Variants in NREP observed in about 807,000 individuals in gnomAD.
The protein encoded by NREP is neuronal regeneration-related protein.
NREP carries 5 observed loss-of-function variants against 8.6 expected under a neutral mutation model. The ratio of observed to expected loss-of-function variants is 0.58; its 90% CI spans 0.30 to 1.22. The LOEUF (loss-of-function observed/expected upper bound fraction) is 1.22. Ranked by LOEUF, NREP falls within the 50% of genes most tolerant of loss-of-function variation. The pLI is 0.07. For missense variants in NREP, 86 were observed against 82.5 expected (o/e 1.04, Z -0.17); for synonymous variants, 27 against 28.0 (o/e 0.96, Z 0.11).
chr5:111,777,026 AGGAAGGAGGT>A lies in NREP; in HGVS notation c.136-41529_136-41520del. ...AGGAGGAAGGAGGTGGAGGAGGAGG[AGGAAGGAGGT>A]GGAGGAGGAGGAGGAGGAAGAAGAG... On this transcript the variant is annotated intron_variant, in intron 2 of 3. Coordinates refer to the NREP transcript ENST00000395634. Among the ~76,000 whole-genome samples, 2 of 150,524 alleles carry A rather than the reference AGGAAGGAGGT, an allele frequency of 1.3e-5. 1 individual carries two copies. Among genetic ancestry groups the A allele is most frequent in the South Asian group, 4.2e-4 (2 of 4,754 alleles).
intron 2 of NREP, among the ~76,000 whole-genome samples, chr5:111,943,370 C>G (rs1451502265): frequency 2.0e-5 from 3 of 151,984 alleles, no homozygotes; most frequent in African/African-American, 7.2e-5. Flanking sequence ...GCTGGGCTTC[C>G]TTGGCATTCC....
intron 2 of NREP, among the ~76,000 whole-genome samples, chr5:111,746,205 T>C (rs1749991630): frequency 6.6e-6 from 1 of 152,048 alleles, no homozygotes; most frequent in Non-Finnish European, 1.5e-5. Flanking sequence ...TCAAGCCTCA[T>C]ATAGTAAAAT....
chr5:111,882,464 C>T (rs1180427767), intron 2 of NREP, among the ~76,000 whole-genome samples: 2 of 152,108 alleles, frequency 1.3e-5, no homozygotes, highest in Non-Finnish European at 2.9e-5. Flanking sequence ...CATTTGGATG[C>T]AGGAAATACA....
chr5:111,959,554 T>C (rs983960825), intron 2 of NREP, among the ~76,000 whole-genome samples: 1 of 151,190 alleles, frequency 6.6e-6, no homozygotes, highest in Non-Finnish European at 1.5e-5. Flanking sequence ...GAAAACTTAG[T>C]ATCCAGAATA....
At chr5:111,902,381 C>G (rs1410922170) in intron 2 of NREP, among the ~76,000 whole-genome samples, 1 of 152,088 alleles carries the variant, frequency 6.6e-6, no homozygotes, top group Admixed American at 6.6e-5. Context: ...GAGCCCAGAT[C>G]AGCTGCAAAC....
At chr5:111,895,742 A>G (rs1754495021) in intron 2 of NREP, among the ~76,000 whole-genome samples, 1 of 152,132 alleles carries the variant, frequency 6.6e-6, no homozygotes, top group Non-Finnish European at 1.5e-5. Context: ...CCTCTACCCA[A>G]TGAATGCCAG....
At chr5:111,907,808 T>G (rs937331069) in intron 2 of NREP, among the ~76,000 whole-genome samples, 1 of 152,046 alleles carries the variant, frequency 6.6e-6, no homozygotes, top group African/African-American at 2.4e-5. Context: ...CTTTTAAGTC[T>G]GTCCCATGGT....
At chr5:111,927,458 T>C (rs1056516034) in intron 2 of NREP, among the ~76,000 whole-genome samples, 8 of 151,996 alleles carry the variant, frequency 5.3e-5, no homozygotes, top group Non-Finnish European at 7.4e-5. Flanking sequence ...TCTGTGGAAA[T>C]GGGACATGGT....
chr5:111,898,871 T>C (rs1382505738), intron 2 of NREP, among the ~76,000 whole-genome samples: 1 of 152,002 alleles, frequency 6.6e-6, no homozygotes, highest in Non-Finnish European at 1.5e-5. Context: ...TATAATGGAA[T>C]CCTCATCAGA....
At chr5:111,844,280 C>T (rs955514183) in intron 2 of NREP, among the ~76,000 whole-genome samples, 1 of 151,932 alleles carries the variant, frequency 6.6e-6, no homozygotes, top group Non-Finnish European at 1.5e-5. Context: ...ATTTAGTTAA[C>T]ATTACTGCTA....
At chr5:111,957,687 A>ATG (rs1273419626) in intron 2 of NREP, among the ~76,000 whole-genome samples, 1 of 151,684 alleles carries the variant, frequency 6.6e-6, no homozygotes, top group African/African-American at 2.4e-5. Context: ...GTCCAACTTC[A>ATG]TGTGTGTGTA....
intron 2 of NREP, among the ~76,000 whole-genome samples, chr5:111,907,353 T>C (rs1461694381): frequency 6.6e-6 from 1 of 152,140 alleles, no homozygotes; most frequent in East Asian, 1.9e-4. Context: ...TTCGTGTTCG[T>C]ATCTGTGAAA....
At chr5:111,761,692 A>AT (rs1422133639), upstream of NREP, among the ~76,000 whole-genome samples, 3 of 152,102 alleles carry the variant, frequency 2.0e-5, no homozygotes, top group African/African-American at 7.2e-5. Flanking sequence ...CGAAATCTTG[A>AT]TTTTTGTCCT....
intron 2 of NREP, among the ~76,000 whole-genome samples, chr5:111,821,404 C>G (rs1324597039): frequency 6.6e-6 from 1 of 151,280 alleles, no homozygotes. Context: ...TGGTTGCTTT[C>G]AAATCAAGCA....
intron 2 of NREP, among the ~76,000 whole-genome samples, chr5:111,843,646 G>A (rs1387135369): frequency 6.6e-6 from 1 of 152,086 alleles, no homozygotes; most frequent in East Asian, 1.9e-4. Context: ...GATTTGTGTT[G>A]ATGTTTGAGC....
chr5:111,776,031 A>G lies in NREP; in HGVS notation c.136-40524T>C, dbSNP rs1751348905. ...GTAATTTATAACTACTGGATTAACA[A>G]GTTTAAAACATTTGATGATTTACTG... On this transcript the variant is annotated intron_variant, in intron 2 of 3. Coordinates refer to the NREP transcript ENST00000395634. Among the ~76,000 whole-genome samples, 2 of 152,216 alleles carry G rather than the reference A, an allele frequency of 1.3e-5. 1 individual carries two copies. Among genetic ancestry groups the G allele is most frequent in the Admixed American group, 1.3e-4 (2 of 15,268 alleles).
intron 2 of NREP, among the ~76,000 whole-genome samples, chr5:111,831,226 C>G (rs1752760244): frequency 6.6e-6 from 1 of 152,088 alleles, no homozygotes; most frequent in African/African-American, 2.4e-5. Flanking sequence ...GGGTACATCC[C>G]TTTTGGAAGT....
At chr5:111,788,924 A>G (rs1187544846) in intron 2 of NREP, among the ~76,000 whole-genome samples, 1 of 152,184 alleles carries the variant, frequency 6.6e-6, no homozygotes, top group East Asian at 1.9e-4. Flanking sequence ...CCTGATTAAG[A>G]GCAAATTCTT....
chr5:111,847,654 T>C (rs1255120908), intron 2 of NREP, among the ~76,000 whole-genome samples: 1 of 152,220 alleles, frequency 6.6e-6, no homozygotes. Context: ...GGTCAGCCTG[T>C]GTCTATCTGT....
Sources: allele counts gnomAD v4.1 joint callset (sites outside exome capture counted in the v4.1 genomes callset), GRCh38; gene constraint gnomAD v4.1.1; transcripts MANE v1.5; gene names NCBI Gene and HGNC (gene_info 2026-07-23, HGNC 2026-07-21).